The following FRMD6 variants were observed in gnomAD, a reference collection of about 807,000 sequenced individuals.
FRMD6 encodes the protein FERM domain containing 6, also known as FERM domain-containing protein 6.
In FRMD6, 37 loss-of-function variants were observed where a neutral mutation model predicts 73.2. The observed-to-expected ratio is 0.51, with a 90% CI of 0.39 to 0.66. The LOEUF is 0.66. FRMD6 is among the 30% of genes least tolerant of loss of function. FRMD6 has a pLI of 0.00. For missense variants in FRMD6, 714 were observed against 780.5 expected (o/e 0.91, Z 1.02); for synonymous variants, 273 against 282.2 (o/e 0.97, Z 0.33).
At chr14:51,696,356 G>C (rs145367645) in intron 2 of FRMD6, among the ~76,000 whole-genome samples, 151 of 150,996 alleles carry the variant, frequency 1.0e-3, no homozygotes, top group African/African-American at 3.5e-3. Flanking sequence ...TTAAACATTT[G>C]AGAAAGCATT....
intron 1 of FRMD6, among the ~76,000 whole-genome samples, chr14:51,552,944 A>ATGCAGGAAGTCGTAAGTGGT (rs1424566266): frequency 6.6e-6 from 1 of 152,194 alleles, no homozygotes; most frequent in African/African-American, 2.4e-5. Flanking sequence ...TCGTAAGTGG[A>ATGCAGGAAGTCGTAAGTGGT]TGCAAGAAGT....
intron 2 of FRMD6, among the ~76,000 whole-genome samples, chr14:51,593,892 AC>A (rs1342087266): frequency 6.6e-6 from 1 of 151,670 alleles, no homozygotes; most frequent in African/African-American, 2.4e-5. Context: ...TATGAACCAC[AC>A]CCCCAACTCT....
At chr14:51,619,524 C>G (rs1338880561) in intron 2 of FRMD6, among the ~76,000 whole-genome samples, 1 of 152,162 alleles carries the variant, frequency 6.6e-6, no homozygotes, top group Non-Finnish European at 1.5e-5. Flanking sequence ...CCAAATACCC[C>G]ATAAAACAAA....
At position 51,501,582 on chromosome 14, in the gene FRMD6, T is replaced by G. The variant is rs183271183; in HGVS notation, c.-210+12162T>G. ...TTTATGGCTCCATAGTATTCCATGG[T>G]GTATATGTACCACATTTTCTTTATC... On this transcript the variant is annotated intron_variant, in intron 1 of 14. Coordinates refer to the FRMD6 transcript ENST00000356218. Among the ~76,000 whole-genome samples, 60 of 152,312 alleles carry G rather than the reference T, an allele frequency of 3.9e-4. No homozygotes were observed. In the East Asian group the frequency reaches 0.011, roughly 28 times the overall value.
intron 2 of FRMD6, among the ~76,000 whole-genome samples, chr14:51,598,393 T>G (rs1594580468): frequency 6.6e-6 from 1 of 152,212 alleles, no homozygotes; most frequent in African/African-American, 2.4e-5. Flanking sequence ...GTCATTGCCT[T>G]TCTTCTTTCT....
chr14:51,725,934 C>G (rs1897930596), intron 13 of FRMD6, 64 bp downstream of exon 13: 3 of 1,170,768 alleles, frequency 2.6e-6, no homozygotes, highest in South Asian at 1.3e-5. Context: ...TAAGTAGTAA[C>G]TTACATTTAT....
chr14:51,598,118 G>A (rs1889823206), intron 2 of FRMD6, among the ~76,000 whole-genome samples: 1 of 152,148 alleles, frequency 6.6e-6, no homozygotes, highest in South Asian at 2.1e-4. Flanking sequence ...CATTGACAAT[G>A]AAATTATTTA....
intron 1 of FRMD6, among the ~76,000 whole-genome samples, chr14:51,498,759 G>A (rs1381568257): frequency 6.6e-6 from 1 of 152,268 alleles, no homozygotes; most frequent in Non-Finnish European, 1.5e-5. Flanking sequence ...TCCACGTGAC[G>A]AAACCCGGCA....
upstream of FRMD6, chr14:51,651,276 C>T (rs937421297): frequency 2.0e-5 from 3 of 152,522 alleles, no homozygotes; most frequent in East Asian, 5.8e-4. Flanking sequence ...CCCCCTCCAT[C>T]CAGCGTGAAA....
chr14:51,400,085 A>G, the FRMD6 span, among the ~76,000 whole-genome samples: 2 of 152,350 alleles, frequency 1.3e-5, no homozygotes, highest in South Asian at 4.1e-4. Context: ...AAACACAGTC[A>G]TCATCTCAAA....
intron 2 of FRMD6, among the ~76,000 whole-genome samples, chr14:51,636,381 T>G (rs1395938222): frequency 6.6e-6 from 1 of 152,232 alleles, no homozygotes; most frequent in East Asian, 1.9e-4. Flanking sequence ...TGCTTTAGCC[T>G]TTGTGAGGAA....
chr14:51,429,429 TTTTTG>T, the FRMD6 span, among the ~76,000 whole-genome samples: 8 of 151,850 alleles, frequency 5.3e-5, no homozygotes, highest in South Asian at 2.1e-4. Flanking sequence ...TGAAGATTTT[TTTTTG>T]TTTGTTTGTT....
At chr14:51,649,061 A>G (rs1461288809), upstream of FRMD6, among the ~76,000 whole-genome samples, 1 of 152,214 alleles carries the variant, frequency 6.6e-6, no homozygotes, top group Non-Finnish European at 1.5e-5. Flanking sequence ...TAAGCACAGA[A>G]AAACGTTTTA....
the FRMD6 span, among the ~76,000 whole-genome samples, chr14:51,444,887 G>A: frequency 6.6e-6 from 1 of 152,244 alleles, no homozygotes; most frequent in East Asian, 1.9e-4. Flanking sequence ...AGATGAAGCA[G>A]CTCCTCAGAG....
chr14:51,688,174 C>T (rs565690760), intron 1 of FRMD6, among the ~76,000 whole-genome samples: 2 of 151,900 alleles, frequency 1.3e-5, no homozygotes, highest in Non-Finnish European at 2.9e-5. Context: ...TCCTAGAACA[C>T]ATGGGTTAAC....
chr14:51,639,914 A>G (rs2140024389), intron 2 of FRMD6, among the ~76,000 whole-genome samples: 1 of 152,248 alleles, frequency 6.6e-6, no homozygotes, highest in South Asian at 2.1e-4. Context: ...TCTGTATTCC[A>G]TTTTCTTTGA....
chr14:51,718,040 C>CA (rs1897331193), intron 10 of FRMD6, among the ~76,000 whole-genome samples: 1 of 152,220 alleles, frequency 6.6e-6, no homozygotes. Context: ...AAAAAGAGCA[C>CA]AGGCATGTTG....
chr14:51,565,136 GTTC>G (rs1489123548), intron 1 of FRMD6: 2 of 152,206 alleles, frequency 1.3e-5, no homozygotes, highest in African/African-American at 4.8e-5. Context: ...TCCTCCCTTT[GTTC>G]TTCTGTGTAC....
rs186739854 is a variant in FRMD6, at chr14:51,704,119, T to A, written c.372-630T>A. Among the ~76,000 whole-genome samples the A allele has an allele frequency of 7.7e-3, 1,179 of 152,170 alleles. 5 individuals carry two copies. The highest frequency in any genetic ancestry group is 0.014 in the Middle Eastern group (4 of 294). The stretch of plus-strand genomic sequence containing the variant: ...TGTGCCTGTAAAAACATAACAGTAA[T>A]GTAACATTCACTTCAAAAAAATCCC... On this transcript the variant is annotated intron_variant, in intron 5 of 13. Transcript: ENST00000344768.
Sources: gnomAD v4.1 joint callset for allele counts (sites outside exome capture counted in the v4.1 genomes callset) on GRCh38, gnomAD v4.1.1 for gene constraint, MANE v1.5 for transcripts, NCBI Gene and HGNC (gene_info 2026-07-23, HGNC 2026-07-21) for gene names.